The following TMEM26 variants were observed in gnomAD, a reference collection of about 807,000 sequenced individuals.
TMEM26 encodes the protein transmembrane protein 26.
TMEM26 carries 38 observed loss-of-function variants against 28.8 expected under a neutral mutation model. The observed-to-expected ratio is 1.32, with a 90% CI of 1.02 to 1.73. TMEM26 has a LOEUF of 1.73. Ranked by LOEUF, TMEM26 falls within the 40% of genes most tolerant of loss-of-function variation. The pLI is 0.00. For missense variants in TMEM26, 518 were observed against 447.1 expected (o/e 1.16, Z -1.43); for synonymous variants, 227 against 182.9 (o/e 1.24, Z -1.95).
chr10:61,436,208 G>C lies in TMEM26; in HGVS notation c.232C>G (p.Pro78Ala), dbSNP rs753341308. 1 of 1,609,330 alleles carries C rather than the reference G, an allele frequency of 6.2e-7. No individual in the cohort carries two copies. The highest frequency in any genetic ancestry group is 8.5e-7 in the Non-Finnish European group (1 of 1,177,672). Residue 78 changes from proline (P) to alanine (A), a missense_variant, in exon 2 of 6, where the codon CCA (proline) becomes GCA (alanine). Transcript: ENST00000399298. ...AIFLYLISIV[P>A]SLWLLELHHE... Reference sequence around the variant, plus strand: ...TGCAATTCAAGAAGCCATAATGATGGAACGATGCTAATCAGATATAAAAAT... The same window carrying C: ...TGCAATTCAAGAAGCCATAATGATGCAACGATGCTAATCAGATATAAAAAT...
chr10:61,441,992 G>GT (rs944369158), intron 1 of TMEM26, among the ~76,000 whole-genome samples: 1 of 151,626 alleles, frequency 6.6e-6, no homozygotes, highest in Non-Finnish European at 1.5e-5. Flanking sequence ...TCTCAAAGGA[G>GT]TTTTTTTCTT....
chr10:61,438,293 A>T (rs1840040120), intron 1 of TMEM26, among the ~76,000 whole-genome samples: 1 of 152,218 alleles, frequency 6.6e-6, no homozygotes, highest in Non-Finnish European at 1.5e-5. Flanking sequence ...GCATGCTCTT[A>T]GAAAAAAAAG....
chr10:61,414,876 C>T (rs896544377), intron 4 of TMEM26: 11 of 510,724 alleles, frequency 2.2e-5, no homozygotes, highest in Non-Finnish European at 2.8e-5. Context: ...TTAAACAAGG[C>T]TTCTGAAAAA....
chr10:61,417,030 G>T (rs925417917), intron 4 of TMEM26, among the ~76,000 whole-genome samples: 2 of 151,962 alleles, frequency 1.3e-5, no homozygotes, highest in African/African-American at 4.8e-5. Flanking sequence ...AAATTTTAAA[G>T]CAGGCAAATA....
chr10:61,445,145 G>T (rs920665984), intron 1 of TMEM26, among the ~76,000 whole-genome samples: 6 of 152,316 alleles, frequency 3.9e-5, no homozygotes, highest in African/African-American at 1.4e-4. Context: ...CTGTAGCATT[G>T]TCAGTACTCA....
Position 61,410,627 on chromosome 10 carries a change from A to T in TMEM26, c.802T>A (p.Phe268Ile), listed in dbSNP as rs1339899021. The change falls in exon 6 of 6, where the codon TTC becomes ATC. Residue 268 changes from phenylalanine (F) to isoleucine (I), a missense_variant. Transcript: ENST00000399298. ...ATCAGTATGAGACGCACGACAAGGA[A>T]GGGGCCATCTTGTATGAAGACGCTG... ...GISVFIQDGP[F>I]LVVRLILMTY... 6.2e-7 allele frequency: 1 copy of T among 1,614,018 alleles called. No homozygotes were observed. Among genetic ancestry groups the T allele is most frequent in the African/African-American group, 1.3e-5 (1 of 74,922 alleles).
chr10:61,416,735 C>A (rs966931362), intron 4 of TMEM26, among the ~76,000 whole-genome samples: 1 of 151,882 alleles, frequency 6.6e-6, no homozygotes, highest in Non-Finnish European at 1.5e-5. Flanking sequence ...TCTTAGCACA[C>A]AAAAAGTCAT....
intron 4 of TMEM26, among the ~76,000 whole-genome samples, chr10:61,427,826 C>CTAT (rs1480424718): frequency 6.6e-6 from 1 of 152,012 alleles, no homozygotes; most frequent in Non-Finnish European, 1.5e-5. Flanking sequence ...TGATGTTTTT[C>CTAT]TTGTAACAAC....
Position 61,410,739 on chromosome 10 carries a change from G to T in TMEM26, c.690C>A (p.Asn230Lys). ...LQFPLDLAVQNVVCPVSVTER... is the reference protein window; with the variant it reads ...LQFPLDLAVQKVVCPVSVTER... ...CTGTCACAGACACAGGGCACACAAC[G>T]TTCTGTACTGAAAACACAAGACAGA... Residue 230 changes from asparagine (N) to lysine (K), a missense_variant, in exon 6 of 6, where the codon AAC becomes AAA. Asn to Lys is a moderately conservative substitution (Grantham distance 94). Coordinates refer to ENST00000399298, the MANE Select transcript of TMEM26 (RefSeq NM_178505.8). The T allele has an allele frequency of 6.8e-6, 11 of 1,613,732 alleles. No individual in the cohort carries two copies. Among genetic ancestry groups the T allele is most frequent in the Non-Finnish European group, 8.5e-6 (10 of 1,179,816 alleles).
At position 61,410,007 on chromosome 10, in the gene TMEM26, G is replaced by T. The variant is rs1426446036; in HGVS notation, c.*315C>A. 6.4e-6 allele frequency: 2 copies of T among 313,056 alleles called. No individual in the cohort carries two copies. Among genetic ancestry groups the T allele is most frequent in the Non-Finnish European group, 1.2e-5 (2 of 169,728 alleles). The allele number at this position is 313,056 out of a possible 1,614,324, so 19.4% of individuals were successfully genotyped here. On this transcript the variant is annotated 3_prime_UTR_variant, in exon 6 of 6. Coordinates refer to ENST00000399298, the MANE Select transcript of TMEM26 (RefSeq NM_178505.8). ...AGGTAACAGCCGCGACAGTTGGTCT[G>T]CACCAAATCTTTCGAGGGCATGTCA...
chr10:61,412,519 A>G (rs1403834246), intron 5 of TMEM26, among the ~76,000 whole-genome samples: 1 of 152,198 alleles, frequency 6.6e-6, no homozygotes, highest in Admixed American at 6.5e-5. Flanking sequence ...TAAACAAGTC[A>G]GGCTAAGGAA....
rs1840128262 is a variant in TMEM26 at position 61,443,393 on chromosome 10, A to C, written c.192-7145T>G. On this transcript the variant is annotated intron_variant, in intron 1 of 5. Transcript: ENST00000399298. ...GGCAGGAGAATGGTGTGAACCTGGG[A>C]GGCAGAGCTAGCAGTGAGCGGAGAT... Among the ~76,000 whole-genome samples the C allele has an allele frequency of 5.9e-5, 9 of 151,378 alleles. No homozygotes were observed. The South Asian group carries it at 1.5e-3, about 24-fold the overall frequency.
intron 1 of TMEM26, 77 bp from the exon 2 acceptor site, chr10:61,436,325 G>T: frequency 1.1e-6 from 1 of 877,656 alleles, no homozygotes; most frequent in East Asian, 2.7e-5. Context: ...GAGGAAGAAT[G>T]AAAAAAAAAT....
In TMEM26 at chr10:61,408,314, A is replaced by C. The variant is rs1839520914; in HGVS notation, c.*2008T>G. The C allele has an allele frequency of 6.6e-6, 1 of 152,204 alleles. No homozygotes were observed. Among genetic ancestry groups the C allele is most frequent in the African/African-American group, 2.4e-5 (1 of 41,454 alleles). 9.4% of individuals were successfully genotyped at this position (152,204 alleles called of 1,614,324 possible). ...CCCACGAGGAGTCTAATTACAAAAT[A>C]CTTTAATTTAAACACTAGAAACTCA... On this transcript the variant is annotated 3_prime_UTR_variant, in exon 6 of 6. Transcript: ENST00000399298.
Position 61,421,796 on chromosome 10 carries a change from A to C in TMEM26, c.605+7130T>G, listed in dbSNP as rs1839753373. 1.3e-5 allele frequency among the ~76,000 whole-genome samples: 2 copies of C among 152,150 alleles called. 1 individual carries two copies. The highest frequency in any genetic ancestry group is 4.1e-4 in the South Asian group (2 of 4,832). On this transcript the variant is annotated intron_variant, in intron 4 of 5. Coordinates refer to ENST00000399298, the MANE Select transcript of TMEM26 (RefSeq NM_178505.8). ...GAGAGAAGAAGTTTCTGTTGTTTTA[A>C]GCCACCATGTTTGTGGTATTTTGCT...
In TMEM26 at chr10:61,431,203, G is replaced by C; in HGVS notation, c.384+16C>G. On this transcript the variant is annotated intron_variant, in intron 3 of 5. Coordinates refer to ENST00000399298, the MANE Select transcript of TMEM26 (RefSeq NM_178505.8). ...CATTTTCTAGATCCTTTAATAAACA[G>C]TGGAAAAGCTCTCACCGTCTCAATG... 1 of 1,596,768 alleles carries C rather than the reference G, an allele frequency of 6.3e-7. No individual in the cohort carries two copies. The highest frequency in any genetic ancestry group is 8.6e-7 in the Non-Finnish European group (1 of 1,164,856).
At position 61,409,701 on chromosome 10, in the gene TMEM26, T is replaced by A. The variant is rs1053367731; in HGVS notation, c.*621A>T. On this transcript the variant is annotated 3_prime_UTR_variant, in exon 6 of 6. Coordinates refer to ENST00000399298, the MANE Select transcript of TMEM26 (RefSeq NM_178505.8). ...CCCAAGACAAAAGCAATAAAATTTC[T>A]GTAAGAACATATGCGCCATGGCAGA... The A allele has an allele frequency of 6.6e-6, 1 of 152,368 alleles. No individual in the cohort carries two copies. The highest frequency in any genetic ancestry group is 2.4e-5 in the African/African-American group (1 of 41,450). 9.4% of individuals were successfully genotyped at this position (152,368 alleles called of 1,614,324 possible).
chr10:61,438,749 A>G (rs774174165), intron 1 of TMEM26, among the ~76,000 whole-genome samples: 19 of 152,160 alleles, frequency 1.2e-4, no homozygotes, highest in Admixed American at 2.6e-4. Context: ...TAAACTCCAT[A>G]ATCTGATATT....
rs1410659119 is a variant in TMEM26, at chr10:61,414,915, T to G, written c.606-1380A>C. On this transcript the variant is annotated intron_variant, in intron 4 of 5. Coordinates refer to ENST00000399298, the MANE Select transcript of TMEM26 (RefSeq NM_178505.8). ...TCCCATAGTGTCCTCATTAACAAAA[T>G]TAAGAAATATTCCAGGTGTGAATAC... 1.6e-5 allele frequency: 15 copies of G among 930,092 alleles called. No individual in the cohort carries two copies. In the Admixed American group the frequency reaches 6.8e-4, roughly 42 times the overall value. The allele number at this position is 930,092 out of a possible 1,614,324, so 57.6% of individuals were successfully genotyped here.
Sources: allele counts gnomAD v4.1 joint callset (sites outside exome capture counted in the v4.1 genomes callset), GRCh38; gene constraint gnomAD v4.1.1; transcripts MANE v1.5; gene names NCBI Gene and HGNC (gene_info 2026-07-23, HGNC 2026-07-21).